Variants in RAB3C observed in about 807,000 individuals in gnomAD.
RAB3C encodes the protein ras-related protein Rab-3C.
A neutral mutation model predicts 26.4 loss-of-function variants in RAB3C; 17 were observed. The ratio of observed to expected loss-of-function variants is 0.64; its 90% CI spans 0.44 to 0.97. The LOEUF (loss-of-function observed/expected upper bound fraction) is 0.97. RAB3C is among the 50% of genes least tolerant of loss of function. The pLI is 0.00. For missense variants in RAB3C, 242 were observed against 281.9 expected (o/e 0.86, Z 1.01); for synonymous variants, 91 against 95.9 (o/e 0.95, Z 0.30).
intron 4 of RAB3C, among the ~76,000 whole-genome samples, chr5:58,843,765 T>A (rs1447069348): frequency 6.6e-6 from 1 of 152,224 alleles, no homozygotes; most frequent in Non-Finnish European, 1.5e-5. Flanking sequence ...TGAAATTCCA[T>A]GCTTGGTAAA....
At chr5:58,741,533 T>A (rs1741274001) in intron 3 of RAB3C, 1 of 152,216 alleles carries the variant, frequency 6.6e-6, no homozygotes, top group African/African-American at 2.4e-5. Context: ...GGAAACTCCA[T>A]GGGTTGAAAG....
At chr5:58,627,824 T>C (rs150950311) in intron 2 of RAB3C, among the ~76,000 whole-genome samples, 23 of 152,244 alleles carry the variant, frequency 1.5e-4, no homozygotes, top group Non-Finnish European at 3.2e-4. Context: ...CCATCTTGTT[T>C]TACTATCTCT....
chr5:58,612,645 A>C (rs6859899), intron 1 of RAB3C, among the ~76,000 whole-genome samples: 1 of 150,630 alleles, frequency 6.6e-6, no homozygotes, highest in Non-Finnish European at 1.5e-5. Context: ...GTTTAGGAAT[A>C]CTAGTGATTT....
chr5:58,797,396 T>TACACAC (rs766393460), intron 3 of RAB3C, among the ~76,000 whole-genome samples: 1 of 116,816 alleles, frequency 8.6e-6, no homozygotes, highest in African/African-American at 3.6e-5. Context: ...TATATATATA[T>TACACAC]ACACAGAGAG....
chr5:58,590,960 C>T (rs1746115956), intron 1 of RAB3C, among the ~76,000 whole-genome samples: 1 of 152,184 alleles, frequency 6.6e-6, no homozygotes, highest in South Asian at 2.1e-4. Context: ...GTAGTATTTA[C>T]ATTACATTTT....
chr5:58,583,597 A>G (rs560649499), intron 1 of RAB3C, among the ~76,000 whole-genome samples: 1 of 152,322 alleles, frequency 6.6e-6, no homozygotes, highest in African/African-American at 2.4e-5. Flanking sequence ...TCACGGATTT[A>G]AGGCAGATAG....
chr5:58,800,965 G>A (rs748502551), intron 3 of RAB3C, among the ~76,000 whole-genome samples: 1 of 152,134 alleles, frequency 6.6e-6, no homozygotes, highest in Non-Finnish European at 1.5e-5. Context: ...GTCAGTGTAT[G>A]CAGCAGCATA....
intron 3 of RAB3C, chr5:58,788,515 T>G (rs1361691418): frequency 1.3e-5 from 2 of 152,336 alleles, no homozygotes; most frequent in East Asian, 3.9e-4. Flanking sequence ...CAGAAACAAA[T>G]GCATTTATGT....
chr5:58,594,488 G>A (rs1476913798), intron 1 of RAB3C, among the ~76,000 whole-genome samples: 1 of 152,092 alleles, frequency 6.6e-6, no homozygotes, highest in Non-Finnish European at 1.5e-5. Context: ...TGGAAAGCAG[G>A]GATGATTATG....
At chr5:58,788,640 C>G (rs770305912) in intron 3 of RAB3C, among the ~76,000 whole-genome samples, 4 of 152,116 alleles carry the variant, frequency 2.6e-5, no homozygotes, top group Non-Finnish European at 4.4e-5. Context: ...TTCAAATGCA[C>G]TAATAAAGTG....
chr5:58,856,574 G>C lies in RAB3C; in HGVS notation c.*5223G>C, dbSNP rs931128177. The stretch of plus-strand genomic sequence containing the variant: ...ATTACTTGCTGAAATGAGGTTTGAG[G>C]TTACCTGTGTATTTCATTCACCTGT... On this transcript the variant is annotated 3_prime_UTR_variant, in exon 5 of 5. Transcript: ENST00000282878. 6.6e-6 allele frequency: 1 copy of C among 152,168 alleles called. No individual in the cohort carries two copies. The highest frequency in any genetic ancestry group is 6.5e-5 in the Admixed American group (1 of 15,272). The allele number at this position is 152,168 out of a possible 1,614,324, so 9.4% of individuals were successfully genotyped here.
intron 2 of RAB3C, among the ~76,000 whole-genome samples, chr5:58,701,281 G>C (rs993963190): frequency 6.6e-6 from 1 of 152,158 alleles, no homozygotes; most frequent in African/African-American, 2.4e-5. Flanking sequence ...AATTACAGGC[G>C]TGAGCTACTG....
chr5:58,597,067 ATATT>A (rs1561260497), intron 1 of RAB3C, among the ~76,000 whole-genome samples: 1 of 94,182 alleles, frequency 1.1e-5, no homozygotes, highest in Non-Finnish European at 1.8e-5. Context: ...TACATAATAT[ATATT>A]ATATAATAAT....
chr5:58,714,039 C>T (rs1042842138), intron 2 of RAB3C, among the ~76,000 whole-genome samples: 1 of 152,146 alleles, frequency 6.6e-6, no homozygotes, highest in South Asian at 2.1e-4. Context: ...CACAGTGAAA[C>T]TACAGAATAC....
In RAB3C at chr5:58,626,199, TTAAG is replaced by T. The variant is rs561138837; in HGVS notation, c.252+8331_252+8334del. On this transcript the variant is annotated intron_variant, in intron 2 of 4. Coordinates refer to ENST00000282878, the MANE Select transcript of RAB3C (RefSeq NM_138453.4). The stretch of plus-strand genomic sequence containing the variant: ...TTCTCATTCTAATTTTTAGCTTTCA[TTAAG>T]TTTCTTTTTTCTTATAAACCATGTT... Among the ~76,000 whole-genome samples, 115 of 152,332 alleles carry T rather than the reference TTAAG, an allele frequency of 7.5e-4. 3 individuals carry two copies. In the South Asian group the frequency reaches 0.023, roughly 30 times the overall value.
chr5:58,693,353 T>TATATATATATATATATAC (rs911414778), intron 2 of RAB3C, among the ~76,000 whole-genome samples: 82 of 142,242 alleles, frequency 5.8e-4, no homozygotes, highest in African/African-American at 2.0e-3. Context: ...TATATATATA[T>TATATATATATATATATAC]ATATATATAA....
chr5:58,678,173 C>A (rs1169009467), intron 2 of RAB3C, among the ~76,000 whole-genome samples: 1 of 152,032 alleles, frequency 6.6e-6, no homozygotes, highest in Non-Finnish European at 1.5e-5. Context: ...AGGGAACAAT[C>A]TCCTTCTTTA....
At position 58,654,535 on chromosome 5, in the gene RAB3C, A is replaced by G. The variant is rs116376132; in HGVS notation, c.252+36665A>G. Among the ~76,000 whole-genome samples the G allele has an allele frequency of 6.8e-3, 1,037 of 152,322 alleles. 19 individuals are homozygous for G. Among genetic ancestry groups the G allele is most frequent in the African/African-American group, 0.023 (968 of 41,580 alleles). ...AGAGGTTGCTTAAATAATTACTTAT[A>G]TAATTACTTTTCCCATTTTTAAATG... On this transcript the variant is annotated intron_variant, in intron 2 of 4. Transcript: ENST00000282878.
intron 2 of RAB3C, among the ~76,000 whole-genome samples, chr5:58,657,449 G>GAA (rs937191358): frequency 6.6e-6 from 1 of 152,062 alleles, no homozygotes; most frequent in Admixed American, 6.6e-5. Flanking sequence ...ATTTGAGAGA[G>GAA]ATCTGAATGA....
Sources: allele counts gnomAD v4.1 joint callset (sites outside exome capture counted in the v4.1 genomes callset), GRCh38; gene constraint gnomAD v4.1.1; transcripts MANE v1.5; gene names NCBI Gene and HGNC (gene_info 2026-07-23, HGNC 2026-07-21).